The following SPHKAP variants were observed in gnomAD, a reference collection of about 807,000 sequenced individuals.
SPHKAP encodes A-kinase anchor protein SPHKAP.
In SPHKAP, 67 loss-of-function variants were observed where a neutral mutation model predicts 137.5. That is an observed-to-expected ratio of 0.49 (90% CI 0.40 to 0.60). The LOEUF (loss-of-function observed/expected upper bound fraction) is 0.60, where lower values mean the gene tolerates loss of function less well. Ranked by LOEUF, SPHKAP falls within the 20% of genes least tolerant of loss-of-function variation. SPHKAP has a pLI of 0.00. For missense variants in SPHKAP, 2,097 were observed against 2,069.3 expected, an observed-to-expected ratio of 1.01 and a Z score of -0.26; for synonymous variants, 813 against 785.3, an observed-to-expected ratio of 1.04 and a Z score of -0.59.
At chr2:228,077,546 G>A (rs149738550) in intron 3 of SPHKAP, among the ~76,000 whole-genome samples, 1,531 of 152,334 alleles carry the variant, frequency 0.01, 40 homozygotes, top group African/African-American at 0.035. Flanking sequence ...GACTTGCATG[G>A]GGCCTGTAGC....
At chr2:228,048,386 C>A (rs1696140356) in intron 3 of SPHKAP, among the ~76,000 whole-genome samples, 1 of 151,958 alleles carries the variant, frequency 6.6e-6, no homozygotes, top group South Asian at 2.1e-4. Flanking sequence ...TTACCATTAC[C>A]CTTTTCCTCT....
intron 3 of SPHKAP, among the ~76,000 whole-genome samples, chr2:228,096,630 C>CTGTGTGTGTGTG (rs59745287): frequency 6.7e-5 from 10 of 148,788 alleles, no homozygotes; most frequent in South Asian, 2.2e-4. Context: ...CAGGGGTCAA[C>CTGTGTGTGTGTG]TGTGTGTGTG....
intron 1 of SPHKAP, among the ~76,000 whole-genome samples, chr2:228,162,889 G>A (rs1700315826): frequency 6.6e-6 from 1 of 152,088 alleles, no homozygotes; most frequent in Non-Finnish European, 1.5e-5. Context: ...AGTAGAGATG[G>A]GGTTTCACCA....
At chr2:228,107,845 G>A (rs1235897413) in intron 3 of SPHKAP, among the ~76,000 whole-genome samples, 1 of 152,086 alleles carries the variant, frequency 6.6e-6, no homozygotes, top group Admixed American at 6.6e-5. Flanking sequence ...TCTGGACAAG[G>A]GATCAAAAGT....
chr2:228,152,669 G>C (rs1699971397), intron 1 of SPHKAP, among the ~76,000 whole-genome samples: 1 of 148,466 alleles, frequency 6.7e-6, no homozygotes, highest in African/African-American at 2.5e-5. Flanking sequence ...TTCTTCAGTT[G>C]CATTAGTCAA....
At chr2:228,115,279 G>A (rs759109762) in intron 2 of SPHKAP, among the ~76,000 whole-genome samples, 13 of 151,944 alleles carry the variant, frequency 8.6e-5, no homozygotes, top group Non-Finnish European at 1.6e-4. Flanking sequence ...TTGGCTTTTC[G>A]CACTCCTGTT....
intron 3 of SPHKAP, among the ~76,000 whole-genome samples, chr2:228,028,816 C>T (rs1225838766): frequency 6.6e-6 from 1 of 152,196 alleles, no homozygotes; most frequent in Non-Finnish European, 1.5e-5. Flanking sequence ...ATGTCCCTAA[C>T]AGTAAGTGAC....
At chr2:227,988,602 C>G (rs1001946899) in intron 11 of SPHKAP, among the ~76,000 whole-genome samples, 4 of 152,180 alleles carry the variant, frequency 2.6e-5, no homozygotes, top group Non-Finnish European at 4.4e-5. Context: ...GTACAAACAT[C>G]TATTCCATTC....
At chr2:228,166,541 C>T (rs1320858568) in intron 1 of SPHKAP, among the ~76,000 whole-genome samples, 1 of 152,102 alleles carries the variant, frequency 6.6e-6, no homozygotes, top group African/African-American at 2.4e-5. Flanking sequence ...ATCATTCATG[C>T]CAGTCTTATA....
chr2:227,993,064 G>C (rs1693477015), intron 9 of SPHKAP, among the ~76,000 whole-genome samples: 1 of 152,106 alleles, frequency 6.6e-6, no homozygotes, highest in Non-Finnish European at 1.5e-5. Context: ...CATAGTCACG[G>C]GGTGGGAATG....
At chr2:228,028,667 T>C (rs1254160223) in intron 3 of SPHKAP, among the ~76,000 whole-genome samples, 1 of 152,244 alleles carries the variant, frequency 6.6e-6, no homozygotes, top group Non-Finnish European at 1.5e-5. Context: ...AAACATGCTG[T>C]ACAGGTTTAT....
intron 1 of SPHKAP, among the ~76,000 whole-genome samples, chr2:228,155,452 A>G (rs188523084): frequency 6.6e-6 from 1 of 152,216 alleles, no homozygotes; most frequent in Non-Finnish European, 1.5e-5. Flanking sequence ...CGGATATGAT[A>G]TAAGTATGTG....
chr2:228,046,450 C>T (rs1696061443), intron 3 of SPHKAP, among the ~76,000 whole-genome samples: 1 of 152,004 alleles, frequency 6.6e-6, no homozygotes. Context: ...TAAGCGAGCT[C>T]AGGGTGCTAA....
At chr2:228,124,506 T>G (rs1699010067) in intron 2 of SPHKAP, among the ~76,000 whole-genome samples, 1 of 144,764 alleles carries the variant, frequency 6.9e-6, no homozygotes, top group Non-Finnish European at 1.5e-5. Flanking sequence ...CACCACACGT[T>G]CTCACTCATA....
chr2:228,033,832 G>A (rs1055125895), intron 3 of SPHKAP, among the ~76,000 whole-genome samples: 5 of 152,254 alleles, frequency 3.3e-5, no homozygotes, highest in African/African-American at 1.2e-4. Context: ...TGAAACCAAT[G>A]AGAACAAAGA....
chr2:228,034,061 A>C (rs1559359200), intron 3 of SPHKAP, among the ~76,000 whole-genome samples: 1 of 152,206 alleles, frequency 6.6e-6, no homozygotes, highest in South Asian at 2.1e-4. Flanking sequence ...GAGACACAAA[A>C]AATCCTTCAA....
chr2:228,082,109 C>T (rs1342477270), intron 3 of SPHKAP, among the ~76,000 whole-genome samples: 1 of 152,170 alleles, frequency 6.6e-6, no homozygotes, highest in Non-Finnish European at 1.5e-5. Flanking sequence ...ACTCTATTTA[C>T]AAAACAGGCA....
rs1479976710 is a variant in SPHKAP at position 227,981,868 on chromosome 2, A to G, written c.4960-8T>C. On this transcript the variant is annotated splice_region_variant and splice_polypyrimidine_tract_variant and intron_variant, in intron 11 of 11. Transcript: ENST00000392056. ...CTGCACGACATCTAGAAACTAAAATAAAACGGAGAGTTAGGGCTCACAGAG... is the reference window on the plus strand; with the variant it reads ...CTGCACGACATCTAGAAACTAAAATGAAACGGAGAGTTAGGGCTCACAGAG... 1.9e-6 allele frequency: 3 copies of G among 1,611,690 alleles called. No homozygotes were observed. Among genetic ancestry groups the G allele is most frequent in the African/African-American group, 2.7e-5 (2 of 74,822 alleles).
At position 228,034,850 on chromosome 2, in the gene SPHKAP, T is replaced by C. The variant is rs1480891674; in HGVS notation, c.247-7307A>G. On this transcript the variant is annotated intron_variant, in intron 3 of 11. Transcript: ENST00000392056. Reference sequence around the variant, plus strand: ...CAACAACGCTTCATGCTAAAAACTCTCAATAAATTAGGTATTGATGGGACA... The same window carrying C: ...CAACAACGCTTCATGCTAAAAACTCCCAATAAATTAGGTATTGATGGGACA... Among the ~76,000 whole-genome samples, 10 of 152,132 alleles carry C rather than the reference T, an allele frequency of 6.6e-5. No homozygotes were observed. The South Asian group carries it at 2.1e-3, about 32-fold the overall frequency.
Sources: gnomAD v4.1 joint callset for allele counts (sites outside exome capture counted in the v4.1 genomes callset) on GRCh38, gnomAD v4.1.1 for gene constraint, MANE v1.5 for transcripts, NCBI Gene and HGNC (gene_info 2026-07-23, HGNC 2026-07-21) for gene names.